SH3RF3: variants seen among roughly 807,000 people sequenced by gnomAD.
SH3RF3 encodes SH3 domain containing ring finger 3, also known as E3 ubiquitin-protein ligase SH3RF3.
A neutral mutation model predicts 66.3 loss-of-function variants in SH3RF3; 29 were observed. The ratio of observed to expected loss-of-function variants is 0.44; its 90% CI spans 0.33 to 0.60. SH3RF3 has a LOEUF of 0.60. Among genes scored for constraint, SH3RF3 ranks in the 20% least tolerant of loss-of-function variants. The pLI, the probability that SH3RF3 is intolerant of heterozygous loss-of-function variation, is 0.04. For synonymous variants in SH3RF3, 583 were observed against 532.0 expected (o/e 1.10, Z -1.32); for missense variants, 1,194 against 1,190.9 (o/e 1.00, Z -0.04).
At chr2:109,471,298 G>A (rs925828499) in intron 8 of SH3RF3, among the ~76,000 whole-genome samples, 1 of 152,028 alleles carries the variant, frequency 6.6e-6, no homozygotes, top group Admixed American at 6.5e-5. Context: ...AGTTTCAGCT[G>A]GGGGTGCCAC....
rs765020108 is a variant in SH3RF3 at position 109,129,675 on chromosome 2, C to T, written c.135C>T (p.Asp45=). Residue 45 remains aspartate, a synonymous_variant, in exon 1 of 10, where the codon GAC becomes GAT. Coordinates refer to ENST00000309415, the MANE Select transcript of SH3RF3 (RefSeq NM_001099289.3). ...AAATAAGAGE[D]MDESSLLDLL... The stretch of plus-strand genomic sequence containing the variant: ...CCACCGCCGCGGGGGCGGGCGAGGA[C>T]ATGGACGAGTCGTCGCTGCTGGACC... 2.6e-6 allele frequency: 4 copies of T among 1,522,784 alleles called. No individual in the cohort carries two copies. The highest frequency in any genetic ancestry group is 3.5e-6 in the Non-Finnish European group (4 of 1,140,690). 94.3% of individuals were successfully genotyped at this position (1,522,784 alleles called of 1,614,324 possible).
chr2:109,300,196 G>GA (rs112687432), intron 1 of SH3RF3, among the ~76,000 whole-genome samples: 2 of 152,196 alleles, frequency 1.3e-5, no homozygotes, highest in East Asian at 3.9e-4. Flanking sequence ...AGGGCATCCT[G>GA]AAATTTTTTT....
At chr2:109,133,623 C>CT (rs1676747394) in intron 1 of SH3RF3, among the ~76,000 whole-genome samples, 1 of 152,024 alleles carries the variant, frequency 6.6e-6, no homozygotes, top group African/African-American at 2.4e-5. Context: ...TAAATAGGAC[C>CT]TCTCCACTAA....
intron 3 of SH3RF3, among the ~76,000 whole-genome samples, chr2:109,384,555 A>C (rs1208594287): frequency 1.3e-5 from 2 of 151,708 alleles, no homozygotes; most frequent in African/African-American, 4.8e-5. Flanking sequence ...CCCGCAGGTC[A>C]CTCTGAGGAC....
intron 1 of SH3RF3, among the ~76,000 whole-genome samples, chr2:109,187,093 A>G (rs1469118730): frequency 6.6e-6 from 1 of 152,126 alleles, no homozygotes; most frequent in African/African-American, 2.4e-5. Flanking sequence ...TAGCATCATG[A>G]CCACACTCTT....
chr2:109,257,549 C>T (rs1680250732), intron 1 of SH3RF3, among the ~76,000 whole-genome samples: 1 of 152,054 alleles, frequency 6.6e-6, no homozygotes, highest in East Asian at 1.9e-4. Context: ...AAACTGTGGC[C>T]CAAGTTCGTG....
chr2:109,464,604 A>G (rs1317377330), intron 8 of SH3RF3, among the ~76,000 whole-genome samples: 1 of 152,224 alleles, frequency 6.6e-6, no homozygotes, highest in African/African-American at 2.4e-5. Flanking sequence ...TCTTCTAAAA[A>G]TAGCCCTTCT....
At chr2:109,375,918 T>TC (rs1683370871) in intron 3 of SH3RF3, among the ~76,000 whole-genome samples, 1 of 152,232 alleles carries the variant, frequency 6.6e-6, no homozygotes, top group South Asian at 2.1e-4. Flanking sequence ...GCCCAGCTTG[T>TC]CCTACATCAC....
chr2:109,149,427 C>T (rs1677181488), intron 1 of SH3RF3, among the ~76,000 whole-genome samples: 1 of 152,222 alleles, frequency 6.6e-6, no homozygotes, highest in African/African-American at 2.4e-5. Context: ...GTCATTTGCA[C>T]TTCTAAACCT....
intron 2 of SH3RF3, among the ~76,000 whole-genome samples, chr2:109,350,528 G>A (rs1008708084): frequency 2.6e-5 from 4 of 152,172 alleles, no homozygotes; most frequent in African/African-American, 9.7e-5. Flanking sequence ...CCCAAAGGGC[G>A]AGGTCGGGCA....
chr2:109,373,037 T>C (rs2105689298), intron 3 of SH3RF3, among the ~76,000 whole-genome samples: 1 of 152,320 alleles, frequency 6.6e-6, no homozygotes, highest in African/African-American at 2.4e-5. Flanking sequence ...TCCTCAAATA[T>C]TCGGGACCAG....
chr2:109,182,480 C>A (rs571608733), intron 1 of SH3RF3, among the ~76,000 whole-genome samples: 1 of 152,302 alleles, frequency 6.6e-6, no homozygotes, highest in East Asian at 1.9e-4. Flanking sequence ...TATAGTGTCC[C>A]AGAAAGGTGT....
Position 109,155,740 on chromosome 2 carries a change from G to A in SH3RF3, c.573+25627G>A, listed in dbSNP as rs542932951. Among the ~76,000 whole-genome samples, 14 of 152,348 alleles carry A rather than the reference G, an allele frequency of 9.2e-5. No homozygotes were observed. In the South Asian group the frequency reaches 2.7e-3, roughly 29 times the overall value. ...TTCTAGCAGTACTTGAGAACAAAAA[G>A]GGAGTTCCCACATCCTGCCAATGTT... On this transcript the variant is annotated intron_variant, in intron 1 of 9. Transcript: ENST00000309415.
chr2:109,173,005 G>A (rs915191404), intron 1 of SH3RF3, among the ~76,000 whole-genome samples: 1 of 152,254 alleles, frequency 6.6e-6, no homozygotes, highest in Non-Finnish European at 1.5e-5. Flanking sequence ...GCAGATGTCA[G>A]TAAGACTTCC....
rs191379801 is a variant in SH3RF3 at position 109,293,932 on chromosome 2, C to T, written c.574-53742C>T. The stretch of plus-strand genomic sequence containing the variant: ...GCCCTGACTCTTTACCAATGGCCGG[C>T]GCCCTCCTCTATGTTCTCCAAGAGC... On this transcript the variant is annotated intron_variant, in intron 1 of 9. Transcript: ENST00000309415. 2.8e-4 allele frequency among the ~76,000 whole-genome samples: 43 copies of T among 152,316 alleles called. No homozygotes were observed. In the East Asian group the frequency reaches 7.5e-3, roughly 27 times the overall value.
chr2:109,278,109 C>CT (rs979603114), intron 1 of SH3RF3, among the ~76,000 whole-genome samples: 9 of 151,170 alleles, frequency 6.0e-5, no homozygotes, highest in African/African-American at 2.2e-4. Context: ...CCCAGGAGGT[C>CT]TAGGCTGCAG....
At chr2:109,149,255 T>C (rs1267179629) in intron 1 of SH3RF3, among the ~76,000 whole-genome samples, 1 of 152,146 alleles carries the variant, frequency 6.6e-6, no homozygotes, top group African/African-American at 2.4e-5. Flanking sequence ...ACTAAGAATG[T>C]TCTATGGCCC....
chr2:109,495,220 T>C (rs1679227306), intron 9 of SH3RF3, among the ~76,000 whole-genome samples: 1 of 152,146 alleles, frequency 6.6e-6, no homozygotes, highest in Non-Finnish European at 1.5e-5. Flanking sequence ...GGTGTGGTCA[T>C]GGGAAATGCA....
rs1050243278 is a variant in SH3RF3, at chr2:109,363,203, C to T, written c.850-8383C>T. 4.0e-5 allele frequency among the ~76,000 whole-genome samples: 6 copies of T among 151,738 alleles called. No individual in the cohort carries two copies. The South Asian group carries it at 1.2e-3, about 32-fold the overall frequency. On this transcript the variant is annotated intron_variant, in intron 2 of 9. Transcript: ENST00000309415. ...GAGCATTTTTTATTTTCTATTTTCT[C>T]TCCTTTATTAGCATATCAGTTGTAC...
Sources: gnomAD v4.1 joint callset for allele counts (sites outside exome capture counted in the v4.1 genomes callset) on GRCh38, gnomAD v4.1.1 for gene constraint, MANE v1.5 for transcripts, NCBI Gene and HGNC (gene_info 2026-07-23, HGNC 2026-07-21) for gene names.